GPHN: variants seen among roughly 807,000 people sequenced by gnomAD.
GPHN encodes the protein gephyrin.
GPHN carries 17 observed loss-of-function variants against 95.5 expected under a neutral mutation model. The observed-to-expected ratio is 0.18, with a 90% CI of 0.12 to 0.27. The LOEUF is 0.27. Ranked by LOEUF, GPHN falls within the 10% of genes least tolerant of loss-of-function variation. The pLI is 1.00. For synonymous variants in GPHN, 320 were observed against 322.5 expected, an observed-to-expected ratio of 0.99 and a Z score of 0.08; for missense variants, 660 against 978.1, an observed-to-expected ratio of 0.67 and a Z score of 4.34.
At chr14:67,316,915 G>C in the GPHN span, 1 of 1,601,058 alleles carries the variant, frequency 6.2e-7, no homozygotes, top group Non-Finnish European at 8.5e-7. Flanking sequence ...TTAGACACTT[G>C]TATTTGACAT....
At chr14:66,880,466 A>C (rs888647946) in intron 5 of GPHN, among the ~76,000 whole-genome samples, 3 of 151,968 alleles carry the variant, frequency 2.0e-5, no homozygotes, top group Non-Finnish European at 1.5e-5. Flanking sequence ...GTTTATTACT[A>C]TGTAAAGTTA....
chr14:67,695,903 A>G, the GPHN span: 8 of 589,690 alleles, frequency 1.4e-5, no homozygotes, highest in African/African-American at 9.3e-5. Flanking sequence ...TGAATTATAC[A>G]TCGCTAATCC....
chr14:66,984,527 A>G (rs1335142729), intron 9 of GPHN, among the ~76,000 whole-genome samples: 1 of 152,248 alleles, frequency 6.6e-6, no homozygotes, highest in Admixed American at 6.5e-5. Flanking sequence ...CTTTTATTCA[A>G]AACGAAAATT....
At chr14:67,115,628 G>T in intron 16 of GPHN, among the ~76,000 whole-genome samples, 1 of 152,116 alleles carries the variant, frequency 6.6e-6, no homozygotes, top group Non-Finnish European at 1.5e-5. Flanking sequence ...ACAACTACTT[G>T]GGAGGCTGAG....
chr14:66,853,669 G>A (rs940317530), intron 4 of GPHN, among the ~76,000 whole-genome samples: 5 of 152,152 alleles, frequency 3.3e-5, no homozygotes, highest in East Asian at 1.9e-4. Context: ...ACCTGGCCCC[G>A]CCCAGGGCAC....
intron 11 of GPHN, among the ~76,000 whole-genome samples, chr14:67,068,488 C>A (rs2076156037): frequency 1.3e-5 from 2 of 152,160 alleles, no homozygotes; most frequent in African/African-American, 2.4e-5. Context: ...TAAATTACAA[C>A]TTCACACTTG....
chr14:67,533,318 G>T, the GPHN span: 1 of 151,680 alleles, frequency 6.6e-6, no homozygotes, highest in South Asian at 2.1e-4. Context: ...CGGCGAGAGC[G>T]ACGCAAGGTC....
At chr14:67,059,812 A>G (rs896935845) in intron 11 of GPHN, among the ~76,000 whole-genome samples, 5 of 152,138 alleles carry the variant, frequency 3.3e-5, no homozygotes, top group African/African-American at 4.8e-5. Context: ...TTTGGTTCAC[A>G]TTCTTTTAGA....
At chr14:67,243,151 G>A in the GPHN span, among the ~76,000 whole-genome samples, 1 of 151,652 alleles carries the variant, frequency 6.6e-6, no homozygotes, top group Non-Finnish European at 1.5e-5. Flanking sequence ...GAAAAAAATA[G>A]TATCTTGACA....
At chr14:67,125,331 C>G (rs1005377819) in intron 17 of GPHN, among the ~76,000 whole-genome samples, 4 of 152,098 alleles carry the variant, frequency 2.6e-5, no homozygotes, top group Non-Finnish European at 5.9e-5. Context: ...GAAGGCTACC[C>G]TCCTTCATTC....
chr14:66,873,044 A>G (rs1247418986), intron 4 of GPHN, among the ~76,000 whole-genome samples: 1 of 152,224 alleles, frequency 6.6e-6, no homozygotes, highest in East Asian at 1.9e-4. Flanking sequence ...TCAACGCAGT[A>G]GGCAGGTGAT....
At chr14:67,577,250 G>A in the GPHN span, 1 of 1,129,850 alleles carries the variant, frequency 8.9e-7, no homozygotes, top group East Asian at 2.6e-5. Context: ...TGGGAGATGA[G>A]TCCCCTCTCA....
the GPHN span, among the ~76,000 whole-genome samples, chr14:67,461,482 T>C: frequency 2.0e-5 from 3 of 152,196 alleles, no homozygotes; most frequent in African/African-American, 4.8e-5. Flanking sequence ...ATCAGAGTTA[T>C]GAACCTGGAG....
chr14:66,557,814 G>A (rs565497448), intron 1 of GPHN, among the ~76,000 whole-genome samples: 1 of 152,166 alleles, frequency 6.6e-6, no homozygotes, highest in African/African-American at 2.4e-5. Flanking sequence ...ATTATGCATG[G>A]AATGAATTTC....
intron 1 of GPHN, among the ~76,000 whole-genome samples, chr14:66,525,313 C>T (rs1566756353): frequency 6.6e-6 from 1 of 152,150 alleles, no homozygotes; most frequent in Non-Finnish European, 1.5e-5. Flanking sequence ...AGTGTCTGTT[C>T]ATATCCTTCA....
the GPHN span, chr14:67,453,971 T>G: frequency 6.6e-6 from 1 of 152,182 alleles, no homozygotes; most frequent in Admixed American, 6.5e-5. Context: ...AAAAAAGGTA[T>G]CAAGTCCTTA....
the GPHN span, chr14:67,647,776 C>T: frequency 1.0e-5 from 4 of 395,834 alleles, no homozygotes; most frequent in Non-Finnish European, 1.4e-5. Flanking sequence ...TTCTAATACC[C>T]AGTGTAAGGC....
rs201711045 is a variant in GPHN, at chr14:66,742,928, A to AT, written c.144-33527dup. ...AGGCGCACACCGCCATGCTTGGCTA[A>AT]TTTTTTTTTGTATTTTTAGTAGAGA... On this transcript the variant is annotated intron_variant, in intron 2 of 22. Transcript: ENST00000478722. 2.7e-3 allele frequency among the ~76,000 whole-genome samples: 401 copies of AT among 151,198 alleles called. 9 individuals carry two copies. Among genetic ancestry groups the AT allele is most frequent in the East Asian group, 0.019 (97 of 5,136 alleles).
At chr14:67,602,470 A>C in the GPHN span, among the ~76,000 whole-genome samples, 1 of 152,240 alleles carries the variant, frequency 6.6e-6, no homozygotes, top group Non-Finnish European at 1.5e-5. Context: ...TAATTATAAA[A>C]GTGATATTTG....
Sources: gnomAD v4.1 joint callset for allele counts (sites outside exome capture counted in the v4.1 genomes callset) on GRCh38, gnomAD v4.1.1 for gene constraint, MANE v1.5 for transcripts, NCBI Gene and HGNC (gene_info 2026-07-23, HGNC 2026-07-21) for gene names.